Variants in TFAP2D observed in about 807,000 individuals in gnomAD.
The protein encoded by TFAP2D is transcription factor AP-2-delta.
A neutral mutation model predicts 43.6 loss-of-function variants in TFAP2D; 9 were observed. The ratio of observed to expected loss-of-function variants is 0.21; its 90% CI spans 0.12 to 0.36. The LOEUF (loss-of-function observed/expected upper bound fraction) is 0.36. Ranked by LOEUF, TFAP2D falls within the 10% of genes least tolerant of loss-of-function variation. TFAP2D has a pLI of 1.00. For synonymous variants in TFAP2D, 256 were observed against 224.9 expected (o/e 1.14, Z -1.24); for missense variants, 513 against 561.4 (o/e 0.91, Z 0.87).
intron 3 of TFAP2D, among the ~76,000 whole-genome samples, chr6:50,727,077 C>A (rs1410689709): frequency 2.6e-5 from 4 of 152,184 alleles, no homozygotes; most frequent in African/African-American, 7.2e-5. Flanking sequence ...CAGGACCTAA[C>A]TTCTAGCCTG....
rs576122005 is a variant in TFAP2D, at chr6:50,745,563, G to A, written c.1025+315G>A. ...GTAGATCCCAGGCAAATATGTCTTT[G>A]GTTGCTATGTAATTTGGTCTAAGGC... On this transcript the variant is annotated intron_variant, in intron 6 of 7. Coordinates refer to ENST00000008391, the MANE Select transcript of TFAP2D (RefSeq NM_172238.4). Among the ~76,000 whole-genome samples the A allele has an allele frequency of 3.3e-5, 5 of 152,180 alleles. No individual in the cohort carries two copies. In the South Asian group the frequency reaches 8.3e-4, roughly 25 times the overall value.
intron 5 of TFAP2D, among the ~76,000 whole-genome samples, chr6:50,743,849 A>G (rs1376972837): frequency 6.6e-6 from 1 of 152,122 alleles, no homozygotes; most frequent in African/African-American, 2.4e-5. Flanking sequence ...TAATATTCAT[A>G]TAGGTGCAAT....
In TFAP2D at chr6:50,772,936, G is replaced by A. The variant is rs978216265; in HGVS notation, c.*72G>A. 6.5e-6 allele frequency: 9 copies of A among 1,392,130 alleles called. No homozygotes were observed. Among genetic ancestry groups the A allele is most frequent in the Non-Finnish European group, 8.9e-6 (9 of 1,016,334 alleles). 86.2% of individuals were successfully genotyped at this position (1,392,130 alleles called of 1,614,324 possible). A position where few individuals can be genotyped will look rare whatever the true frequency, so the allele number is the denominator to read the frequency against. The stretch of plus-strand genomic sequence containing the variant: ...TTTTCTAATATATATATCATTGAGG[G>A]TGACTAATCTTCAGTGGACCAAATC... On this transcript the variant is annotated 3_prime_UTR_variant, in exon 8 of 8. Transcript: ENST00000008391.
At chr6:50,768,932 T>TCC (rs1313348781) in intron 7 of TFAP2D, among the ~76,000 whole-genome samples, 2 of 147,114 alleles carry the variant, frequency 1.4e-5, no homozygotes, top group African/African-American at 5.0e-5. Context: ...AGACAAAGTC[T>TCC]CCCTCTGTTG....
At chr6:50,770,863 A>G (rs898148485) in intron 7 of TFAP2D, among the ~76,000 whole-genome samples, 2 of 152,164 alleles carry the variant, frequency 1.3e-5, no homozygotes, top group Admixed American at 6.6e-5. Context: ...GCTTTATTAA[A>G]TGTACTATAC....
rs149191804 is a variant in TFAP2D, at chr6:50,756,623, C to A, written c.1139+5299C>A. Among the ~76,000 whole-genome samples the A allele has an allele frequency of 1.1e-3, 168 of 152,146 alleles. 4 individuals carry two copies. In the East Asian group the frequency reaches 0.029, roughly 26 times the overall value. On this transcript the variant is annotated intron_variant, in intron 7 of 7. Transcript: ENST00000008391. ...CAGTGACCCTTCTCACAATTCACAGCCTGGAAAGCTTCTTGTTTCCATCAA... is the reference window on the plus strand; with the variant it reads ...CAGTGACCCTTCTCACAATTCACAGACTGGAAAGCTTCTTGTTTCCATCAA...
chr6:50,713,905 T>A lies in TFAP2D; in HGVS notation c.-151T>A, dbSNP rs1581754344. ...GGGTACGAGGCAAGGAGCTATCTGA[T>A]CCGGGCAAAACCATTACAATTTAGA... On this transcript the variant is annotated 5_prime_UTR_variant, in exon 1 of 8. Transcript: ENST00000008391. 1.6e-6 allele frequency: 2 copies of A among 1,224,278 alleles called. No homozygotes were observed. Among genetic ancestry groups the A allele is most frequent in the East Asian group, 4.8e-5 (2 of 41,460 alleles). The allele number at this position is 1,224,278 out of a possible 1,614,324, so 75.8% of individuals were successfully genotyped here.
rs1768567233 is a variant in TFAP2D, at chr6:50,713,781, C to G, written c.-275C>G. ...CAAAACTTCTATATTACCAAGGGAC[C>G]TACGACATCAGCCAAAGAAATACTC... On this transcript the variant is annotated 5_prime_UTR_variant, in exon 1 of 8. Coordinates refer to ENST00000008391, the MANE Select transcript of TFAP2D (RefSeq NM_172238.4). 1.8e-6 allele frequency: 1 copy of G among 546,162 alleles called. No homozygotes were observed. Among genetic ancestry groups the G allele is most frequent in the Admixed American group, 3.6e-5 (1 of 27,838 alleles). 33.8% of individuals were successfully genotyped at this position (546,162 alleles called of 1,614,324 possible).
chr6:50,720,954 G>T (rs1412695073), intron 3 of TFAP2D, among the ~76,000 whole-genome samples: 1 of 152,210 alleles, frequency 6.6e-6, no homozygotes, highest in African/African-American at 2.4e-5. Context: ...ACAGAGGGTG[G>T]AATTACTTGA....
At chr6:50,759,692 T>C (rs773144837) in intron 7 of TFAP2D, among the ~76,000 whole-genome samples, 1 of 152,058 alleles carries the variant, frequency 6.6e-6, no homozygotes, top group Non-Finnish European at 1.5e-5. Context: ...CATCAAATGT[T>C]ATCACTTTCA....
At chr6:50,717,210 G>C (rs1768642189) in intron 2 of TFAP2D, among the ~76,000 whole-genome samples, 1 of 152,170 alleles carries the variant, frequency 6.6e-6, no homozygotes, top group East Asian at 1.9e-4. Flanking sequence ...CAAAAGAGCG[G>C]ATTAGAACAT....
At chr6:50,726,686 A>G (rs1249187240) in intron 3 of TFAP2D, among the ~76,000 whole-genome samples, 3 of 152,336 alleles carry the variant, frequency 2.0e-5, no homozygotes, top group African/African-American at 4.8e-5. Flanking sequence ...CCACAGATTC[A>G]TTAATACCTA....
Position 50,715,505 on chromosome 6 carries a change from T to C in TFAP2D, c.429T>C (p.His143=), listed in dbSNP as rs1284726358. 1.9e-6 allele frequency: 3 copies of C among 1,613,398 alleles called. No homozygotes were observed. The highest frequency in any genetic ancestry group is 1.3e-5 in the African/African-American group (1 of 74,916). The part of the protein sequence containing the change: ...ELGCLDAYRR[H]DLSLMSHGSQ... The stretch of plus-strand genomic sequence containing the variant: ...GCTGCCTCGATGCCTACCGCCGCCA[T>C]GACCTGTCCCTCATGAGCCATGGCT... Residue 143 remains histidine (H), a synonymous_variant, in exon 2 of 8, where the codon CAT becomes CAC. Coordinates refer to ENST00000008391, the MANE Select transcript of TFAP2D (RefSeq NM_172238.4).
At position 50,751,793 on chromosome 6, in the gene TFAP2D, T is replaced by C. The variant is rs1392737353; in HGVS notation, c.1139+469T>C. Among the ~76,000 whole-genome samples, 4 of 151,954 alleles carry C rather than the reference T, an allele frequency of 2.6e-5. No individual in the cohort carries two copies. The East Asian group carries it at 5.8e-4, about 22-fold the overall frequency. On this transcript the variant is annotated intron_variant, in intron 7 of 7. Transcript: ENST00000008391. The stretch of plus-strand genomic sequence containing the variant: ...TGGAGGGGACACACATATTCAACCA[T>C]AGCAGTGATTGACTGAATTTTTTAA...
chr6:50,756,071 C>A (rs1461444528), intron 7 of TFAP2D, among the ~76,000 whole-genome samples: 4 of 151,884 alleles, frequency 2.6e-5, no homozygotes, highest in African/African-American at 9.7e-5. Context: ...CCATGTTGCC[C>A]AGGCTTGTTT....
intron 7 of TFAP2D, among the ~76,000 whole-genome samples, chr6:50,762,459 A>G (rs1769376381): frequency 6.6e-6 from 1 of 152,082 alleles, no homozygotes; most frequent in African/African-American, 2.4e-5. Flanking sequence ...TATTCTTCAA[A>G]TCATTGAAAT....
chr6:50,738,531 A>G (rs1450621249), intron 5 of TFAP2D, among the ~76,000 whole-genome samples: 1 of 152,144 alleles, frequency 6.6e-6, no homozygotes, highest in East Asian at 1.9e-4. Flanking sequence ...CTATGTTTAA[A>G]TCTATGATCC....
chr6:50,746,917 G>A (rs1237737286), intron 6 of TFAP2D, among the ~76,000 whole-genome samples: 1 of 152,080 alleles, frequency 6.6e-6, no homozygotes, highest in Non-Finnish European at 1.5e-5. Context: ...AGCAAAAGTT[G>A]GTGGCAGAAG....
chr6:50,738,003 T>G (rs1277065310), intron 5 of TFAP2D, among the ~76,000 whole-genome samples: 1 of 152,162 alleles, frequency 6.6e-6, no homozygotes, highest in Non-Finnish European at 1.5e-5. Context: ...TTCTCCTTAA[T>G]AGTGGTTGCA....
Sources: allele counts gnomAD v4.1 joint callset (sites outside exome capture counted in the v4.1 genomes callset), GRCh38; gene constraint gnomAD v4.1.1; transcripts MANE v1.5; gene names NCBI Gene and HGNC (gene_info 2026-07-23, HGNC 2026-07-21).